The following TMEM71 variants were observed in gnomAD, a reference collection of about 807,000 sequenced individuals.
The protein encoded by TMEM71 is transmembrane protein 71.
In TMEM71, 44 loss-of-function variants were observed where a neutral mutation model predicts 38.0. That is an observed-to-expected ratio of 1.16 (90% confidence interval 0.91 to 1.49). TMEM71 has a LOEUF of 1.49. TMEM71 is among the 40% of genes most tolerant of loss of function. The pLI is 0.00. For synonymous variants in TMEM71, 133 were observed against 122.5 expected (o/e 1.09, Z -0.56); for missense variants, 367 against 348.6 (o/e 1.05, Z -0.42).
At chr8:132,707,035 C>T (rs1826104470), downstream of TMEM71, among the ~76,000 whole-genome samples, 2 of 152,192 alleles carry the variant, frequency 1.3e-5, no homozygotes, top group Admixed American at 1.3e-4. Flanking sequence ...AACTTTACCA[C>T]AGACATGCGA....
chr8:132,754,063 A>T (rs950549176), intron 3 of TMEM71, among the ~76,000 whole-genome samples: 2 of 152,110 alleles, frequency 1.3e-5, no homozygotes, highest in African/African-American at 4.8e-5. Flanking sequence ...CTTTTCTCTG[A>T]GTATTCTCCA....
At chr8:132,724,767 A>G (rs1441476031) in intron 6 of TMEM71, among the ~76,000 whole-genome samples, 1 of 152,052 alleles carries the variant, frequency 6.6e-6, no homozygotes, top group Non-Finnish European at 1.5e-5. Context: ...ATGTCCATGA[A>G]CTCTTCACAA....
intron 7 of TMEM71, among the ~76,000 whole-genome samples, chr8:132,718,029 C>T (rs944872812): frequency 5.3e-5 from 8 of 152,174 alleles, no homozygotes; most frequent in African/African-American, 1.9e-4. Flanking sequence ...AGGAAATGTC[C>T]AGAATAGACA....
At chr8:132,707,542 T>C (rs1273140655), downstream of TMEM71, among the ~76,000 whole-genome samples, 1 of 152,032 alleles carries the variant, frequency 6.6e-6, no homozygotes, top group East Asian at 1.9e-4. Context: ...ATCTCGGGAG[T>C]AGGTTCCTGA....
At chr8:132,748,251 A>T in intron 4 of TMEM71, among the ~76,000 whole-genome samples, 1 of 152,226 alleles carries the variant, frequency 6.6e-6, no homozygotes, top group Non-Finnish European at 1.5e-5. Context: ...GTTAAGATGA[A>T]TTACAACAAG....
In TMEM71 at chr8:132,746,957, G is replaced by T; in HGVS notation, c.472C>A (p.His158Asn). 6.2e-7 allele frequency: 1 copy of T among 1,602,788 alleles called. No homozygotes were observed. The highest frequency in any genetic ancestry group is 8.5e-7 in the Non-Finnish European group (1 of 1,176,634). Residue 158 changes from histidine (H) to asparagine (N), a missense_variant, in exon 5 of 10, where the codon CAT (histidine) becomes AAT (asparagine). Physicochemically the swap from His to Asn is moderately conservative, Grantham distance 68 (BLOSUM62 1). Coordinates refer to ENST00000677595, the MANE Select transcript of TMEM71 (RefSeq NM_001382403.1). Reference sequence around the variant, plus strand: ...TCAAACTCACCATTTCCATTGCAATGGTCTGTGTCCAACCTCCTGGTCCCC... The same window carrying T: ...TCAAACTCACCATTTCCATTGCAATTGTCTGTGTCCAACCTCCTGGTCCCC... ...LKGTRRLDTD[H>N]CNGNADDLDC...
intron 5 of TMEM71, among the ~76,000 whole-genome samples, chr8:132,742,635 TTAG>T (rs1452994613): frequency 1.3e-5 from 2 of 152,316 alleles, no homozygotes; most frequent in Admixed American, 1.3e-4. Context: ...AGTGTTGTGT[TTAG>T]TACAGTGGCT....
intron 2 of TMEM71, chr8:132,758,496 T>C (rs1563758840): frequency 1.4e-5 from 3 of 214,052 alleles, no homozygotes. Flanking sequence ...AACAGCGCTC[T>C]TATTTTCTGC....
chr8:132,725,318 C>G (rs1279424269), intron 6 of TMEM71, among the ~76,000 whole-genome samples: 1 of 152,148 alleles, frequency 6.6e-6, no homozygotes. Context: ...GCATGAGACA[C>G]CATGACTGAC....
chr8:132,762,370 C>T (rs1328860325), upstream of TMEM71, among the ~76,000 whole-genome samples: 1 of 152,176 alleles, frequency 6.6e-6, no homozygotes, highest in Non-Finnish European at 1.5e-5. Context: ...TGGCTTATCT[C>T]TTCTAGATGA....
chr8:132,746,951 T>G lies in TMEM71; in HGVS notation c.478A>C (p.Asn160His), dbSNP rs760773481. 4.4e-6 allele frequency: 7 copies of G among 1,589,026 alleles called. No individual in the cohort carries two copies. Among genetic ancestry groups the G allele is most frequent in the African/African-American group, 2.7e-5 (2 of 73,542 alleles). ...GAGGACTCAAACTCACCATTTCCAT[T>G]GCAATGGTCTGTGTCCAACCTCCTG... Reference protein sequence around the residue: ...GTRRLDTDHCNGNADDLDCSS... With the variant: ...GTRRLDTDHCHGNADDLDCSS... The change falls in exon 5 of 10, where the codon AAT becomes CAT. Residue 160 changes from asparagine (N) to histidine (H), a missense_variant. Transcript: ENST00000677595.
intron 7 of TMEM71, among the ~76,000 whole-genome samples, chr8:132,716,471 C>T (rs1434836808): frequency 6.6e-6 from 1 of 152,164 alleles, no homozygotes; most frequent in African/African-American, 2.4e-5. Context: ...CCTAACACCC[C>T]CTTTCAAAAA....
At chr8:132,775,558 A>G in the TMEM71 span, 2 of 357,264 alleles carry the variant, frequency 5.6e-6, no homozygotes, top group Non-Finnish European at 1.0e-5. Flanking sequence ...GGGCGGAGGC[A>G]GAGGCAGAGG....
chr8:132,730,764 T>C (rs576117209), intron 5 of TMEM71, among the ~76,000 whole-genome samples: 2 of 152,326 alleles, frequency 1.3e-5, no homozygotes, highest in South Asian at 2.1e-4. Context: ...AAGGGAAATA[T>C]GAATATCGAC....
chr8:132,730,645 T>C (rs1827401369), intron 5 of TMEM71, among the ~76,000 whole-genome samples: 1 of 152,300 alleles, frequency 6.6e-6, no homozygotes, highest in Admixed American at 6.5e-5. Flanking sequence ...AAATTTGTGT[T>C]TTTTGTTTTT....
downstream of TMEM71, among the ~76,000 whole-genome samples, chr8:132,706,234 T>G (rs547524184): frequency 2.6e-5 from 4 of 152,294 alleles, no homozygotes; most frequent in Middle Eastern, 3.4e-3. Context: ...TATAGCAGTC[T>G]GAGCTATGAC....
intron 4 of TMEM71, 79 bp downstream of exon 4, chr8:132,751,706 T>G (rs1056724026): frequency 7.3e-7 from 1 of 1,365,128 alleles, no homozygotes; most frequent in African/African-American, 1.4e-5. Flanking sequence ...TAAAAGATAG[T>G]TGAGTGAATA....
At chr8:132,732,356 G>T (rs781776764) in intron 5 of TMEM71, among the ~76,000 whole-genome samples, 56 of 152,172 alleles carry the variant, frequency 3.7e-4, no homozygotes, top group Non-Finnish European at 5.6e-4. Context: ...GAGGAAGAGA[G>T]TAAGTGGGGA....
At chr8:132,765,819 C>T in the TMEM71 span, among the ~76,000 whole-genome samples, 1 of 151,864 alleles carries the variant, frequency 6.6e-6, no homozygotes, top group African/African-American at 2.4e-5. Context: ...GACAGAGTCT[C>T]ACTCTGTCGC....
Sources: allele counts gnomAD v4.1 joint callset (sites outside exome capture counted in the v4.1 genomes callset), GRCh38; gene constraint gnomAD v4.1.1; transcripts MANE v1.5; gene names NCBI Gene and HGNC (gene_info 2026-07-23, HGNC 2026-07-21).